Variants in ABCC5 observed in about 807,000 individuals in gnomAD.
ABCC5 encodes the protein ATP binding cassette subfamily C member 5, also known as ATP-binding cassette sub-family C member 5.
A neutral mutation model predicts 160.9 loss-of-function variants in ABCC5; 61 were observed. The ratio of observed to expected loss-of-function variants is 0.38; its 90% CI spans 0.31 to 0.47. ABCC5 has a LOEUF of 0.47. Ranked by LOEUF, ABCC5 falls within the 20% of genes least tolerant of loss-of-function variation. ABCC5 has a pLI of 0.99. For synonymous variants in ABCC5, 666 were observed against 700.6 expected, an observed-to-expected ratio of 0.95 and a Z score of 0.78; for missense variants, 1,308 against 1,813.3, an observed-to-expected ratio of 0.72 and a Z score of 5.06.
chr3:184,014,393 C>T lies in ABCC5; in HGVS notation c.-1G>A, dbSNP rs940595293. On this transcript the variant is annotated 5_prime_UTR_variant, in exon 2 of 30. Coordinates refer to ENST00000334444, the MANE Select transcript of ABCC5 (RefSeq NM_005688.4). ...CTTTTCCTATGTCGATATCCTTCAT[C>T]TTCTCTGAGTGGAGGTTCCAGGGCT... 3 of 1,610,872 alleles carry T rather than the reference C, an allele frequency of 1.9e-6. No homozygotes were observed. The highest frequency in any genetic ancestry group is 2.7e-5 in the African/African-American group (2 of 74,710).
intron 15 of ABCC5, among the ~76,000 whole-genome samples, chr3:183,962,874 C>A (rs1007886913): frequency 6.6e-6 from 1 of 152,092 alleles, no homozygotes. Flanking sequence ...ATGAGCCCTG[C>A]ATTAAATTTA....
At chr3:183,960,245 A>G (rs1323660401) in intron 16 of ABCC5, among the ~76,000 whole-genome samples, 3 of 152,112 alleles carry the variant, frequency 2.0e-5, no homozygotes, top group African/African-American at 7.2e-5. Context: ...TAGGACCTCC[A>G]TATTCTGGCC....
chr3:183,921,508 G>A lies in ABCC5; in HGVS notation c.4213-107C>T. 1.0e-6 allele frequency: 1 copy of A among 996,902 alleles called. No individual in the cohort carries two copies. The highest frequency in any genetic ancestry group is 2.9e-5 in the East Asian group (1 of 34,206). The allele number at this position is 996,902 out of a possible 1,614,324, so 61.8% of individuals were successfully genotyped here. ...AGTGCCCTCTGAGGGTAGAATCTGG[G>A]GACAATTCAACTAGCCCTGCGTGCA... On this transcript the variant is annotated intron_variant, in intron 29 of 29. Transcript: ENST00000334444. The surrounding 1 kb of genome is among the most constrained non-coding windows in gnomAD (Gnocchi z 4.1).
chr3:183,946,718 T>C (rs1049026985), intron 23 of ABCC5, among the ~76,000 whole-genome samples: 9 of 152,110 alleles, frequency 5.9e-5, no homozygotes, highest in African/African-American at 2.2e-4. Flanking sequence ...ATCCAAATAT[T>C]TCAGCTTGTA....
In ABCC5 at chr3:183,929,807, T is replaced by C. The variant is rs1466564134; in HGVS notation, c.3855-982A>G. Among the ~76,000 whole-genome samples, 3 of 152,212 alleles carry C rather than the reference T, an allele frequency of 2.0e-5. 1 individual carries two copies. The highest frequency in any genetic ancestry group is 2.0e-4 in the Admixed American group (3 of 15,280). On this transcript the variant is annotated intron_variant, in intron 26 of 29. Transcript: ENST00000334444. Reference sequence around the variant, plus strand: ...TTGTGTTTTTTGTAGAGATGGGGTTTTGCCATGTTGCCCAGGCTGGTCTCA... The same window carrying C: ...TTGTGTTTTTTGTAGAGATGGGGTTCTGCCATGTTGCCCAGGCTGGTCTCA...
At position 183,987,739 on chromosome 3, in the gene ABCC5, G is replaced by C; in HGVS notation, c.591+31C>G. 6.2e-7 allele frequency: 1 copy of C among 1,614,052 alleles called. No homozygotes were observed. Among genetic ancestry groups the C allele is most frequent in the Non-Finnish European group, 8.5e-7 (1 of 1,179,982 alleles). On this transcript the variant is annotated intron_variant, in intron 5 of 29. Transcript: ENST00000334444. This position sits in a 1 kb window ranked among gnomAD's most constrained non-coding sequence, Gnocchi z 4.2. ...AGAGCTGGCCGTGGCCGGGCCCCTG[G>C]AGACTGTCGGAAAGGATGGTTAGAA...
intron 11 of ABCC5, among the ~76,000 whole-genome samples, chr3:183,970,214 A>G (rs947082311): frequency 6.6e-6 from 1 of 152,122 alleles, no homozygotes; most frequent in Non-Finnish European, 1.5e-5. Flanking sequence ...TCCCATGCTC[A>G]TTCCACTCCA....
intron 17 of ABCC5, among the ~76,000 whole-genome samples, chr3:183,957,864 T>G (rs200534096): frequency 5.6e-3 from 620 of 110,284 alleles, no homozygotes; most frequent in East Asian, 9.1e-3. Flanking sequence ...ATATCACATC[T>G]GTTACATGCG....
intron 5 of ABCC5, chr3:183,985,726 A>AACC: frequency 2.8e-6 from 1 of 353,088 alleles, no homozygotes; most frequent in East Asian, 6.8e-5. Context: ...CCACACTGTT[A>AACC]GAGATTCTGG....
At chr3:183,952,395 C>T (rs1022027330) in intron 18 of ABCC5, among the ~76,000 whole-genome samples, 1 of 152,134 alleles carries the variant, frequency 6.6e-6, no homozygotes, top group Non-Finnish European at 1.5e-5. Flanking sequence ...GATCCACCTG[C>T]CTTGGCCTCT....
At chr3:183,975,789 A>G (rs1237440442) in intron 10 of ABCC5, among the ~76,000 whole-genome samples, 1 of 151,974 alleles carries the variant, frequency 6.6e-6, no homozygotes, top group Non-Finnish European at 1.5e-5. Context: ...TGCTGCTTCT[A>G]CTATTAATTC....
chr3:184,012,241 GT>G (rs56079614), intron 2 of ABCC5, among the ~76,000 whole-genome samples: 8,593 of 146,960 alleles, frequency 0.058, 280 homozygotes, highest in East Asian at 0.08. Context: ...AAATAAAAAG[GT>G]TTTTTTTTTT....
Position 183,949,939 on chromosome 3 carries a change from T to C in ABCC5, c.3098+33A>G. 1 of 1,614,024 alleles carries C rather than the reference T, an allele frequency of 6.2e-7. No homozygotes were observed. The highest frequency in any genetic ancestry group is 8.5e-7 in the Non-Finnish European group (1 of 1,179,934). Reference sequence around the variant, plus strand: ...CTACCCAGCAACTGAGGCTTCTCCGTGGCCCCAGCAGACATGAACGCTTCC... The same window carrying C: ...CTACCCAGCAACTGAGGCTTCTCCGCGGCCCCAGCAGACATGAACGCTTCC... On this transcript the variant is annotated intron_variant, in intron 21 of 29. Coordinates refer to ENST00000334444, the MANE Select transcript of ABCC5 (RefSeq NM_005688.4). This position sits in a 1 kb window ranked among gnomAD's most constrained non-coding sequence, Gnocchi z 4.2.
At chr3:183,952,551 G>A (rs1402212181) in intron 18 of ABCC5, among the ~76,000 whole-genome samples, 1 of 152,148 alleles carries the variant, frequency 6.6e-6, no homozygotes, top group African/African-American at 2.4e-5. Flanking sequence ...CCGGTGGGAG[G>A]TGACCGGATT....
chr3:183,949,856 G>A lies in ABCC5; in HGVS notation c.3124C>T (p.Leu1042=), dbSNP rs763423977. The A allele has an allele frequency of 2.5e-6, 4 of 1,614,228 alleles. No homozygotes were observed. In the South Asian group the frequency reaches 4.4e-5, roughly 18 times the overall value. ...SRVLIRELKR[L]DNITQSPFLS... The stretch of plus-strand genomic sequence containing the variant: ...AAAGGTGACTGCGTGATATTGTCCA[G>A]ACGCTTCAGCTCCCGAATCAGGACC... Residue 1042 remains leucine, a synonymous_variant, in exon 22 of 30, where the codon CTG becomes TTG. Coordinates refer to ENST00000334444, the MANE Select transcript of ABCC5 (RefSeq NM_005688.4). This position sits in a 1 kb window ranked among gnomAD's most constrained non-coding sequence, Gnocchi z 4.2.
At position 184,014,279 on chromosome 3, in the gene ABCC5, G is replaced by A; in HGVS notation, c.114C>T (p.Phe38=). The A allele has an allele frequency of 6.2e-7, 1 of 1,613,934 alleles. No individual in the cohort carries two copies. The highest frequency in any genetic ancestry group is 1.1e-5 in the South Asian group (1 of 91,050). The change falls in exon 2 of 30, where the codon TTC becomes TTT. Residue 38 remains phenylalanine (F), a synonymous_variant. Coordinates refer to ENST00000334444, the MANE Select transcript of ABCC5 (RefSeq NM_005688.4). The part of the protein sequence containing the change: ...GTHRDREDSK[F]RRTRPLECQD... ...GGAAACTGACCGGTCGAGTTCTCCT[G>A]AACTTGGAATCTTCACGGTCTCTGT... is the stretch of plus-strand genomic sequence containing the variant.
chr3:183,952,580 T>C (rs150237713), intron 18 of ABCC5, among the ~76,000 whole-genome samples: 3 of 152,144 alleles, frequency 2.0e-5, no homozygotes, highest in Non-Finnish European at 4.4e-5. Flanking sequence ...GATTCCCCCA[T>C]GCTATTCTTG....
At chr3:183,939,565 C>A (rs1309083719) in intron 25 of ABCC5, among the ~76,000 whole-genome samples, 1 of 152,196 alleles carries the variant, frequency 6.6e-6, no homozygotes, top group African/African-American at 2.4e-5. Flanking sequence ...TAAGGGTCAA[C>A]ATTTAGTTTA....
intron 2 of ABCC5, among the ~76,000 whole-genome samples, chr3:183,992,347 G>A (rs1189458725): frequency 1.3e-5 from 2 of 152,194 alleles, no homozygotes; most frequent in African/African-American, 4.8e-5. Flanking sequence ...CTACACTCCA[G>A]ACTGGGCAAC....
Sources: allele counts gnomAD v4.1 joint callset (sites outside exome capture counted in the v4.1 genomes callset), GRCh38; gene constraint gnomAD v4.1.1; non-coding constraint Gnocchi (gnomAD v3.1); transcripts MANE v1.5; gene names NCBI Gene and HGNC (gene_info 2026-07-23, HGNC 2026-07-21).